Variants in CDH18 observed in about 807,000 individuals in gnomAD.
CDH18 encodes cadherin 18, also known as cadherin-18.
A neutral mutation model predicts 67.9 loss-of-function variants in CDH18; 31 were observed. That is an observed-to-expected ratio of 0.46 (90% CI 0.34 to 0.62). The LOEUF is 0.62. Among genes scored for constraint, CDH18 ranks in the 20% least tolerant of loss-of-function variants. The pLI is 0.01. For synonymous variants in CDH18, 362 were observed against 347.2 expected (o/e 1.04, Z -0.48); for missense variants, 890 against 975.5 (o/e 0.91, Z 1.17).
intron 2 of CDH18, among the ~76,000 whole-genome samples, chr5:20,040,395 G>T (rs1218825603): frequency 6.6e-6 from 1 of 152,080 alleles, no homozygotes; most frequent in Non-Finnish European, 1.5e-5. Flanking sequence ...CTTTTCCATT[G>T]GGTTTATAAG....
intron 1 of CDH18, among the ~76,000 whole-genome samples, chr5:20,519,918 G>C (rs1355689989): frequency 1.4e-5 from 2 of 140,418 alleles, no homozygotes. Context: ...CTGTCACCCA[G>C]GCTGGAGTAC....
chr5:19,606,637 G>T (rs1241707155), intron 6 of CDH18, among the ~76,000 whole-genome samples: 1 of 151,812 alleles, frequency 6.6e-6, no homozygotes, highest in Non-Finnish European at 1.5e-5. Flanking sequence ...AAAGAAGACT[G>T]TAGAAGACTG....
chr5:19,489,415 T>C (rs1012139291), intron 11 of CDH18, among the ~76,000 whole-genome samples: 1 of 151,652 alleles, frequency 6.6e-6, no homozygotes, highest in African/African-American at 2.4e-5. Flanking sequence ...ACCTGGCTAA[T>C]GTTTTGTATT....
intron 2 of CDH18, among the ~76,000 whole-genome samples, chr5:20,067,992 C>A (rs959358702): frequency 6.6e-6 from 1 of 152,014 alleles, no homozygotes; most frequent in African/African-American, 2.4e-5. Flanking sequence ...AATAACATAG[C>A]AGCCTTGTCC....
intron 3 of CDH18, among the ~76,000 whole-genome samples, chr5:19,756,154 A>C (rs894879288): frequency 3.9e-5 from 6 of 152,140 alleles, no homozygotes; most frequent in Admixed American, 2.0e-4. Flanking sequence ...AAACACACCA[A>C]CCCCCAACCC....
At chr5:20,272,371 T>G (rs1745500428) in intron 1 of CDH18, among the ~76,000 whole-genome samples, 1 of 152,054 alleles carries the variant, frequency 6.6e-6, no homozygotes, top group Non-Finnish European at 1.5e-5. Flanking sequence ...GATTAACTTT[T>G]TTTGTTTGTT....
intron 2 of CDH18, among the ~76,000 whole-genome samples, chr5:19,995,880 A>G (rs1181907669): frequency 6.6e-6 from 1 of 152,110 alleles, no homozygotes; most frequent in African/African-American, 2.4e-5. Flanking sequence ...TCAACCTCCC[A>G]TATCTGCATT....
chr5:19,510,812 ATT>A (rs34739655), intron 10 of CDH18, among the ~76,000 whole-genome samples: 1 of 144,198 alleles, frequency 6.9e-6, no homozygotes, highest in Non-Finnish European at 1.5e-5. Context: ...AGGAGATCTG[ATT>A]TTTTTTTTTT....
intron 1 of CDH18, among the ~76,000 whole-genome samples, chr5:20,426,741 T>C (rs989098980): frequency 3.3e-5 from 5 of 151,128 alleles, no homozygotes; most frequent in African/African-American, 1.2e-4. Context: ...TATGGCATTA[T>C]TATTGAAACT....
At chr5:19,957,608 G>A (rs1217532883) in intron 2 of CDH18, among the ~76,000 whole-genome samples, 3 of 151,684 alleles carry the variant, frequency 2.0e-5, no homozygotes, top group South Asian at 2.1e-4. Flanking sequence ...ATAAAATTTT[G>A]GGTACACTTA....
intron 2 of CDH18, among the ~76,000 whole-genome samples, chr5:20,054,758 C>CT (rs1285253371): frequency 6.6e-6 from 1 of 152,290 alleles, no homozygotes; most frequent in Non-Finnish European, 1.5e-5. Flanking sequence ...TACCTAGACC[C>CT]TTTGGAAAAA....
At chr5:20,261,528 C>T (rs1045284530) in intron 1 of CDH18, among the ~76,000 whole-genome samples, 2 of 152,066 alleles carry the variant, frequency 1.3e-5, no homozygotes, top group African/African-American at 4.8e-5. Context: ...ATCACGAGGT[C>T]AGGAGATCAG....
At chr5:20,326,295 C>A (rs1738570759) in intron 1 of CDH18, among the ~76,000 whole-genome samples, 2 of 152,164 alleles carry the variant, frequency 1.3e-5, no homozygotes, top group South Asian at 4.1e-4. Context: ...TGATTATCTA[C>A]ACTAATGGCT....
chr5:19,874,811 C>G (rs554978980), intron 2 of CDH18, among the ~76,000 whole-genome samples: 1 of 152,146 alleles, frequency 6.6e-6, no homozygotes, highest in Non-Finnish European at 1.5e-5. Context: ...GTAAATGGAA[C>G]ATTAAGTGCT....
At chr5:20,543,171 T>C (rs968997657) in intron 1 of CDH18, among the ~76,000 whole-genome samples, 11 of 152,054 alleles carry the variant, frequency 7.2e-5, no homozygotes, top group East Asian at 1.9e-4. Flanking sequence ...AGTTGATAAA[T>C]AGATGGTTAA....
intron 2 of CDH18, among the ~76,000 whole-genome samples, chr5:20,090,499 C>A (rs1410750714): frequency 6.6e-6 from 1 of 152,048 alleles, no homozygotes; most frequent in African/African-American, 2.4e-5. Flanking sequence ...CATGCTGTTG[C>A]ACTCCAGCCT....
chr5:19,565,321 G>A (rs747830561), intron 8 of CDH18, among the ~76,000 whole-genome samples: 1 of 152,122 alleles, frequency 6.6e-6, no homozygotes, highest in Non-Finnish European at 1.5e-5. Flanking sequence ...TCACTCCTCT[G>A]CTGAGCTCCA....
intron 2 of CDH18, among the ~76,000 whole-genome samples, chr5:19,956,216 T>C (rs565081182): frequency 9.2e-5 from 14 of 152,152 alleles, no homozygotes; most frequent in African/African-American, 2.9e-4. Context: ...AAGCCAATTC[T>C]ATGTCTAATT....
At chr5:20,571,767 A>G (rs553040968) in intron 1 of CDH18, among the ~76,000 whole-genome samples, 1 of 152,282 alleles carries the variant, frequency 6.6e-6, no homozygotes, top group East Asian at 1.9e-4. Flanking sequence ...ATTGAACTCC[A>G]TGATTCATTG....
Sources: gnomAD v4.1 joint callset for allele counts (sites outside exome capture counted in the v4.1 genomes callset) on GRCh38, gnomAD v4.1.1 for gene constraint, MANE v1.5 for transcripts, NCBI Gene and HGNC (gene_info 2026-07-23, HGNC 2026-07-21) for gene names.